The following KIF18A variants were observed in gnomAD, a reference collection of about 807,000 sequenced individuals.
KIF18A encodes kinesin-like protein KIF18A.
In KIF18A, 67 loss-of-function variants were observed where a neutral mutation model predicts 103.3. The ratio of observed to expected loss-of-function variants is 0.65; its 90% CI spans 0.53 to 0.79. The LOEUF (loss-of-function observed/expected upper bound fraction) is 0.79. KIF18A is among the 30% of genes least tolerant of loss of function. The pLI is 0.00. For missense variants in KIF18A, 1,032 were observed against 1,062.5 expected, an observed-to-expected ratio of 0.97 and a Z score of 0.40; for synonymous variants, 367 against 355.5, an observed-to-expected ratio of 1.03 and a Z score of -0.36.
intron 11 of KIF18A, among the ~76,000 whole-genome samples, chr11:28,067,360 G>A (rs1196596767): frequency 1.3e-5 from 2 of 152,070 alleles, no homozygotes; most frequent in East Asian, 3.9e-4. Context: ...AGGAAATACT[G>A]TCTTTGGTTT....
At chr11:28,026,342 T>C (rs1234112488) in intron 15 of KIF18A, among the ~76,000 whole-genome samples, 1 of 151,764 alleles carries the variant, frequency 6.6e-6, no homozygotes, top group East Asian at 1.9e-4. Context: ...TAAATATGTA[T>C]ATAAAGCTGC....
At chr11:28,079,800 T>C (rs1851141951) in intron 9 of KIF18A, among the ~76,000 whole-genome samples, 2 of 152,260 alleles carry the variant, frequency 1.3e-5, no homozygotes, top group Admixed American at 1.3e-4. Context: ...AATTCCTTAT[T>C]GTCCTCCTAG....
intron 15 of KIF18A, among the ~76,000 whole-genome samples, chr11:28,031,495 C>T (rs970861048): frequency 1.3e-5 from 2 of 152,012 alleles, no homozygotes; most frequent in Non-Finnish European, 2.9e-5. Context: ...AACACATGGA[C>T]ACAGGAAGGT....
intron 13 of KIF18A, among the ~76,000 whole-genome samples, chr11:28,044,597 G>A (rs746212837): frequency 5.3e-5 from 8 of 151,996 alleles, no homozygotes; most frequent in South Asian, 2.1e-4. Context: ...AGAGATTCCC[G>A]CTTCAAAAAG....
At chr11:28,042,424 T>C (rs1850572345) in intron 13 of KIF18A, among the ~76,000 whole-genome samples, 1 of 151,930 alleles carries the variant, frequency 6.6e-6, no homozygotes, top group South Asian at 2.1e-4. Flanking sequence ...ATAGACATAC[T>C]ATGTTTTCAG....
intron 6 of KIF18A, among the ~76,000 whole-genome samples, chr11:28,085,455 A>G (rs1851214805): frequency 6.6e-6 from 1 of 152,194 alleles, no homozygotes; most frequent in Non-Finnish European, 1.5e-5. Flanking sequence ...TGAAGTTCAC[A>G]GTAGACAGCA....
In KIF18A at chr11:28,036,633, C is replaced by G; in HGVS notation, c.1980G>C (p.Lys660Asn). The change falls in exon 14 of 17, where the codon AAG becomes AAC. Residue 660 changes from lysine (K) to asparagine (N), a missense_variant. Physicochemically the swap from Lys to Asn is moderately conservative, Grantham distance 94 (BLOSUM62 0). Coordinates refer to ENST00000263181, the MANE Select transcript of KIF18A (RefSeq NM_031217.4). ...CSSSGGTNLV[K>N]IPTEKRTRRK... Reference sequence around the variant, plus strand: ...TCCGAGTTCTTTTTTCTGTAGGAATCTTAACCAGATTAGTTCCACCTGAAG... The same window carrying G: ...TCCGAGTTCTTTTTTCTGTAGGAATGTTAACCAGATTAGTTCCACCTGAAG... 6.2e-7 allele frequency: 1 copy of G among 1,608,802 alleles called. No homozygotes were observed. Among genetic ancestry groups the G allele is most frequent in the Non-Finnish European group, 8.5e-7 (1 of 1,176,972 alleles).
chr11:28,074,309 A>G (rs1851061634), intron 10 of KIF18A, among the ~76,000 whole-genome samples: 1 of 152,176 alleles, frequency 6.6e-6, no homozygotes, highest in Non-Finnish European at 1.5e-5. Flanking sequence ...AAATTAATCC[A>G]ATGAGATAGT....
chr11:28,106,737 G>A (rs1402355579), intron 1 of KIF18A, among the ~76,000 whole-genome samples: 2 of 152,046 alleles, frequency 1.3e-5, no homozygotes, highest in East Asian at 1.9e-4. Flanking sequence ...TTAGGAGGCC[G>A]AGGCGGGCAG....
chr11:28,058,582 A>G (rs1205129038), intron 13 of KIF18A, among the ~76,000 whole-genome samples: 5 of 138,242 alleles, frequency 3.6e-5, no homozygotes, highest in Non-Finnish European at 6.2e-5. Context: ...GGATTGCTAG[A>G]GCCCAGGAGG....
Position 28,082,973 on chromosome 11 carries a change from TAG to T in KIF18A, c.1150-7_1150-6del. On this transcript the variant is annotated splice_region_variant and splice_polypyrimidine_tract_variant and intron_variant, in intron 8 of 16. Transcript: ENST00000263181. ...TTTTTCTTTTAACAATAAAATCTAG[TAG>T]AGAGAAATCACTAGTTAAAATACAA... 6.5e-7 allele frequency: 1 copy of T among 1,538,476 alleles called. No individual in the cohort carries two copies.
At chr11:28,050,574 T>C (rs1230417038) in intron 13 of KIF18A, among the ~76,000 whole-genome samples, 1 of 151,864 alleles carries the variant, frequency 6.6e-6, no homozygotes, top group Non-Finnish European at 1.5e-5. Flanking sequence ...TATCTTTTAT[T>C]GTACTTTAAG....
At chr11:28,051,270 C>A (rs1850707888) in intron 13 of KIF18A, among the ~76,000 whole-genome samples, 1 of 151,524 alleles carries the variant, frequency 6.6e-6, no homozygotes, top group Non-Finnish European at 1.5e-5. Context: ...GAAGGGCTAG[C>A]ATACTATATA....
At position 28,088,697 on chromosome 11, in the gene KIF18A, T is replaced by C. The variant is rs199567678; in HGVS notation, c.724A>G (p.Thr242Ala). ...CGGACATTTTGATTGATACTTGCTGTTTTGTCTTGTTGTCGCAAGTAAATC... is the reference window on the plus strand; with the variant it reads ...CGGACATTTTGATTGATACTTGCTGCTTTGTCTTGTTGTCGCAAGTAAATC... ...FQIYLRQQDK[T>A]ASINQNVRIA... Residue 242 changes from threonine to alanine, a missense_variant, in exon 6 of 17, where the codon ACA becomes GCA. Transcript: ENST00000263181. 11 of 1,613,868 alleles carry C rather than the reference T, an allele frequency of 6.8e-6. No individual in the cohort carries two copies. Among genetic ancestry groups the C allele is most frequent in the Admixed American group, 5.0e-5 (3 of 60,004 alleles).
intron 13 of KIF18A, among the ~76,000 whole-genome samples, chr11:28,054,860 G>A (rs1357140658): frequency 6.6e-6 from 1 of 152,130 alleles, no homozygotes; most frequent in Non-Finnish European, 1.5e-5. Context: ...AATATCATGA[G>A]AAGGAATTAA....
chr11:28,097,391 G>A, intron 2 of KIF18A: 1 of 476,540 alleles, frequency 2.1e-6, no homozygotes, highest in South Asian at 2.5e-5. Flanking sequence ...GATGTCTATA[G>A]GGGCCACAGT....
rs757886643 is a variant in KIF18A, at chr11:28,082,932, C to T, written c.1186G>A (p.Glu396Lys). Reference protein sequence around the residue: ...LLKEKLKAYEEQKAFTNENDQ... With the variant: ...LLKEKLKAYEKQKAFTNENDQ... ...TTTTCATTAGTGAAGGCTTTCTGTTCTTCATAGGCTTTTAGTTTTTCTTTT... is the reference window on the plus strand; with the variant it reads ...TTTTCATTAGTGAAGGCTTTCTGTTTTTCATAGGCTTTTAGTTTTTCTTTT... The change falls in exon 9 of 17, where the codon GAA (glutamate) becomes AAA (lysine). Residue 396 changes from glutamate (E) to lysine (K), a missense_variant. Physicochemically the swap from Glu to Lys is moderately conservative, Grantham distance 56 (BLOSUM62 1). Coordinates refer to ENST00000263181, the MANE Select transcript of KIF18A (RefSeq NM_031217.4). The T allele has an allele frequency of 6.3e-7, 1 of 1,599,130 alleles. No homozygotes were observed. The highest frequency in any genetic ancestry group is 8.5e-7 in the Non-Finnish European group (1 of 1,171,966).
intron 1 of KIF18A, among the ~76,000 whole-genome samples, chr11:28,098,664 C>T (rs1273751685): frequency 6.6e-6 from 1 of 151,972 alleles, no homozygotes; most frequent in Non-Finnish European, 1.5e-5. Flanking sequence ...AATATTGATC[C>T]TACTCTCTGC....
chr11:28,104,328 C>T (rs1344193878), intron 1 of KIF18A, among the ~76,000 whole-genome samples: 1 of 152,146 alleles, frequency 6.6e-6, no homozygotes, highest in African/African-American at 2.4e-5. Flanking sequence ...GCCCTGCCTA[C>T]CTCTCTGACA....
Sources: gnomAD v4.1 joint callset for allele counts (sites outside exome capture counted in the v4.1 genomes callset) on GRCh38, gnomAD v4.1.1 for gene constraint, MANE v1.5 for transcripts, NCBI Gene and HGNC (gene_info 2026-07-23, HGNC 2026-07-21) for gene names.